Variants in SLCO1B3 observed in about 807,000 individuals in gnomAD.
The protein encoded by SLCO1B3 is liver-specific organic anion transporter 2.
A neutral mutation model predicts 71.8 loss-of-function variants in SLCO1B3; 72 were observed. The observed-to-expected ratio is 1.00, with a 90% CI of 0.83 to 1.22. The LOEUF is 1.22. Among genes scored for constraint, SLCO1B3 ranks in the 50% most tolerant of loss-of-function variants. The pLI, the probability that SLCO1B3 is intolerant of heterozygous loss-of-function variation, is 0.00. For synonymous variants in SLCO1B3, 298 were observed against 278.4 expected, an observed-to-expected ratio of 1.07 and a Z score of -0.70; for missense variants, 911 against 819.7, an observed-to-expected ratio of 1.11 and a Z score of -1.36.
intron 3 of SLCO1B3, among the ~76,000 whole-genome samples, chr12:20,847,702 T>A (rs1042040996): frequency 2.0e-5 from 3 of 151,768 alleles, no homozygotes; most frequent in Non-Finnish European, 4.4e-5. Context: ...GCAGAAAATA[T>A]ATATATATAT....
At chr12:20,863,918 A>G (rs1210469329) in intron 8 of SLCO1B3, among the ~76,000 whole-genome samples, 1 of 152,050 alleles carries the variant, frequency 6.6e-6, no homozygotes, top group African/African-American at 2.4e-5. Flanking sequence ...GGATATTTCT[A>G]CTACTTGTTC....
intron 9 of SLCO1B3, 28 bp downstream of exon 9, chr12:20,875,505 T>C: frequency 1.3e-6 from 2 of 1,584,836 alleles, no homozygotes; most frequent in Non-Finnish European, 1.7e-6. Flanking sequence ...ATTGTCAACT[T>C]GGAATTGTTA....
chr12:20,875,433 C>A lies in SLCO1B3; in HGVS notation c.926C>A (p.Ala309Asp). 2.5e-6 allele frequency: 4 copies of A among 1,602,900 alleles called. No individual in the cohort carries two copies. Among genetic ancestry groups the A allele is most frequent in the Non-Finnish European group, 3.4e-6 (4 of 1,177,370 alleles). ...ACAAATGATGATAGAAATCAAACAG[C>A]TAATTTGACCAACCAAGGAAAAAAT... Reference protein sequence around the residue: ...LKTNDDRNQTANLTNQGKNVT... With the variant: ...LKTNDDRNQTDNLTNQGKNVT... Residue 309 changes from alanine to aspartate, a missense_variant, in exon 9 of 16, where the codon GCT (alanine) becomes GAT (aspartate). By Grantham distance (126) the Ala-to-Asp change is moderately radical (BLOSUM62 -2). Coordinates refer to ENST00000381545, the MANE Select transcript of SLCO1B3 (RefSeq NM_019844.4).
At chr12:20,868,586 G>A (rs1461137071) in intron 8 of SLCO1B3, among the ~76,000 whole-genome samples, 1 of 152,094 alleles carries the variant, frequency 6.6e-6, no homozygotes, top group Non-Finnish European at 1.5e-5. Flanking sequence ...TCAGTTGTAG[G>A]GACCAGCCCC....
intron 3 of SLCO1B3, among the ~76,000 whole-genome samples, chr12:20,844,662 A>G (rs1375116632): frequency 2.6e-5 from 4 of 152,044 alleles, no homozygotes; most frequent in Non-Finnish European, 5.9e-5. Context: ...TAGTTTTAGG[A>G]GTTCCTTCTG....
intron 8 of SLCO1B3, among the ~76,000 whole-genome samples, chr12:20,868,191 T>A (rs1365048947): frequency 6.6e-6 from 1 of 152,174 alleles, no homozygotes; most frequent in Non-Finnish European, 1.5e-5. Context: ...AAAAAAGCAC[T>A]TGATAAAATT....
intron 3 of SLCO1B3, among the ~76,000 whole-genome samples, chr12:20,824,907 G>T (rs979141515): frequency 7.2e-5 from 11 of 152,034 alleles, no homozygotes; most frequent in Non-Finnish European, 1.3e-4. Flanking sequence ...TAGGCTCATA[G>T]GTCATTGTAA....
intron 3 of SLCO1B3, among the ~76,000 whole-genome samples, chr12:20,825,384 A>C (rs778008118): frequency 6.6e-6 from 1 of 152,130 alleles, no homozygotes. Context: ...TCATGAATGC[A>C]GTTTATTTTG....
rs1231877177 is a variant in SLCO1B3 at position 20,893,177 on chromosome 12, T to G, written c.1683-5259T>G. Among the ~76,000 whole-genome samples, 4 of 151,994 alleles carry G rather than the reference T, an allele frequency of 2.6e-5. No homozygotes were observed. In the East Asian group the frequency reaches 7.7e-4, roughly 29 times the overall value. Reference sequence around the variant, plus strand: ...GTTATGAGGACTGGGATGGCCAAAATGGAGAATTTTAAAAGTGGGTACTGA... The same window carrying G: ...GTTATGAGGACTGGGATGGCCAAAAGGGAGAATTTTAAAAGTGGGTACTGA... On this transcript the variant is annotated intron_variant, in intron 13 of 15. Transcript: ENST00000381545.
chr12:20,872,757 CCTGGTGCCCTATTTTACTGTGG>C (rs1205579271), intron 8 of SLCO1B3, among the ~76,000 whole-genome samples: 1 of 152,056 alleles, frequency 6.6e-6, no homozygotes, highest in Non-Finnish European at 1.5e-5. Flanking sequence ...CAAAACTCTG[CCTGGTGCCCTATTTTACTGTGG>C]CTGAGCTGGT....
chr12:20,866,239 T>C (rs1483700453), intron 8 of SLCO1B3, among the ~76,000 whole-genome samples: 1 of 152,106 alleles, frequency 6.6e-6, no homozygotes, highest in African/African-American at 2.4e-5. Context: ...GCTCTGCAGC[T>C]GGCCACTGTT....
At chr12:20,833,832 A>T (rs1864605649) in intron 3 of SLCO1B3, among the ~76,000 whole-genome samples, 1 of 147,424 alleles carries the variant, frequency 6.8e-6, no homozygotes, top group Non-Finnish European at 1.5e-5. Context: ...GCACACACAC[A>T]GTTTGTGTTT....
At chr12:20,891,395 A>C (rs1356770090) in intron 13 of SLCO1B3, among the ~76,000 whole-genome samples, 1 of 151,868 alleles carries the variant, frequency 6.6e-6, no homozygotes, top group Admixed American at 6.6e-5. Flanking sequence ...GTCTGTTGTT[A>C]GTCTGATAGG....
chr12:20,822,940 A>T (rs1370974924), intron 3 of SLCO1B3, among the ~76,000 whole-genome samples: 5 of 152,134 alleles, frequency 3.3e-5, no homozygotes, highest in Non-Finnish European at 7.3e-5. Context: ...AGCATTTTAG[A>T]AGAAAATTAC....
chr12:20,883,588 C>T lies in SLCO1B3; in HGVS notation c.1668C>T (p.Ile556=). The T allele has an allele frequency of 6.3e-7, 1 of 1,587,710 alleles. No individual in the cohort carries two copies. Among genetic ancestry groups the T allele is most frequent in the Middle Eastern group, 1.7e-4 (1 of 5,982 alleles). Residue 556 remains isoleucine, a synonymous_variant, in exon 13 of 16, where the codon ATC becomes ATT. Transcript: ENST00000381545. Reference sequence around the variant, plus strand: ...CTGCAACAGGAGGTACCACATTTATCTTGTTGACTGTGAAGTAAGTATGAT... The same window carrying T: ...CTGCAACAGGAGGTACCACATTTATTTTGTTGACTGTGAAGTAAGTATGAT... ...LFSATGGTTF[I]LLTVKIVQPE...
At position 20,862,842 on chromosome 12, in the gene SLCO1B3, T is replaced by G. The variant is rs1457241241; in HGVS notation, c.715T>G (p.Tyr239Asp). Residue 239 changes from tyrosine to aspartate, a missense_variant, in exon 8 of 16, where the codon TAT becomes GAT. Transcript: ENST00000381545. ...TGCTAAAATGTACGTGGATATTGGA[T>G]ATGTAGATCTGAGTAAGTACAATTA... ...LFAKMYVDIG[Y>D]VDLSTIRITP... 6.4e-7 allele frequency: 1 copy of G among 1,572,778 alleles called. No individual in the cohort carries two copies. Among genetic ancestry groups the G allele is most frequent in the South Asian group, 1.1e-5 (1 of 89,952 alleles).
At chr12:20,850,058 C>T (rs556981503) in intron 3 of SLCO1B3, among the ~76,000 whole-genome samples, 7 of 135,418 alleles carry the variant, frequency 5.2e-5, no homozygotes, top group Non-Finnish European at 7.8e-5. Context: ...TTCTTGCAGA[C>T]ATGGAAAAAT....
chr12:20,915,180 TTC>T (rs1353759598), intron 15 of SLCO1B3, among the ~76,000 whole-genome samples: 4 of 152,142 alleles, frequency 2.6e-5, no homozygotes, highest in Non-Finnish European at 5.9e-5. Context: ...ATTCTGTTTT[TTC>T]TTTCTTTTGT....
At chr12:20,825,389 A>G (rs1484453623) in intron 3 of SLCO1B3, among the ~76,000 whole-genome samples, 1 of 152,100 alleles carries the variant, frequency 6.6e-6, no homozygotes, top group African/African-American at 2.4e-5. Flanking sequence ...AATGCAGTTT[A>G]TTTTGATTAT....
Sources: allele counts gnomAD v4.1 joint callset (sites outside exome capture counted in the v4.1 genomes callset), GRCh38; gene constraint gnomAD v4.1.1; transcripts MANE v1.5; gene names NCBI Gene and HGNC (gene_info 2026-07-23, HGNC 2026-07-21).